CTSO: variants seen among roughly 807,000 people sequenced by gnomAD.
CTSO encodes cathepsin O.
In CTSO, 40 loss-of-function variants were observed where a neutral mutation model predicts 42.4. The ratio of observed to expected loss-of-function variants is 0.94; its 90% CI spans 0.73 to 1.23. CTSO has a LOEUF of 1.23. Among genes scored for constraint, CTSO ranks in the 50% most tolerant of loss-of-function variants. The pLI, the probability that CTSO is intolerant of heterozygous loss-of-function variation, is 0.00. For synonymous variants in CTSO, 156 were observed against 146.2 expected (o/e 1.07, Z -0.48); for missense variants, 441 against 396.0 (o/e 1.11, Z -0.96).
chr4:155,933,510 G>T (rs1051497977), intron 5 of CTSO, among the ~76,000 whole-genome samples: 4 of 152,160 alleles, frequency 2.6e-5, no homozygotes, highest in South Asian at 4.1e-4. Flanking sequence ...TTTGGAACTG[G>T]GTAATAGGCA....
Position 155,937,418 on chromosome 4 carries a change from G to C in CTSO, c.618C>G (p.Tyr206Ter), listed in dbSNP as rs150623992. 1.1e-5 allele frequency: 17 copies of C among 1,612,110 alleles called. No homozygotes were observed. Among genetic ancestry groups the C allele is most frequent in the Non-Finnish European group, 1.4e-5 (16 of 1,178,444 alleles). Residue 206 changes from tyrosine to a stop codon, truncating the protein, a stop_gained, in exon 5 of 8, where the codon TAC (tyrosine) becomes TAG (stop). Transcript: ENST00000433477. LOFTEE classifies it high-confidence loss of function. Reference protein sequence around the residue: ...PFKAQNGLCHYFSGSHSGFSI... With the variant: ...PFKAQNGLCH Reference sequence around the variant, plus strand: ...AAAATCCAGAATGTGAACCAGAAAAGTAATGGCACAGACCATTTTGTGCTT... The same window carrying C: ...AAAATCCAGAATGTGAACCAGAAAACTAATGGCACAGACCATTTTGTGCTT...
At chr4:155,950,239 T>TTTTTTTTTTTTTTATTTA in intron 1 of CTSO, among the ~76,000 whole-genome samples, 1 of 152,220 alleles carries the variant, frequency 6.6e-6, no homozygotes, top group Non-Finnish European at 1.5e-5. Context: ...GTCTTTACAT[T>TTTTTTTTTTTTTTATTTA]CTTTTTATTT....
chr4:155,942,983 G>T (rs1049515357), intron 2 of CTSO, among the ~76,000 whole-genome samples, 173 bp downstream of exon 2: 9 of 152,066 alleles, frequency 5.9e-5, no homozygotes, highest in Admixed American at 5.2e-4. Context: ...AGAAGAGACT[G>T]GCCATGAATT....
intron 1 of CTSO, among the ~76,000 whole-genome samples, chr4:155,943,582 C>A (rs1051308394): frequency 1.3e-5 from 2 of 151,962 alleles, no homozygotes; most frequent in African/African-American, 2.4e-5. Context: ...AAATAGACTG[C>A]AAATAAACAC....
chr4:155,953,640 T>C, intron 1 of CTSO, 73 bp downstream of exon 1: 1 of 1,229,510 alleles, frequency 8.1e-7, no homozygotes. Flanking sequence ...TCGGGGGCCC[T>C]CTTCCGCAGC....
chr4:155,926,925 G>C (rs938771506), intron 7 of CTSO, among the ~76,000 whole-genome samples: 1 of 152,130 alleles, frequency 6.6e-6, no homozygotes, highest in Non-Finnish European at 1.5e-5. Context: ...CCAAATCCAG[G>C]ATCCACCACT....
At chr4:155,938,136 C>A (rs1318036711) in intron 4 of CTSO, among the ~76,000 whole-genome samples, 4 of 152,158 alleles carry the variant, frequency 2.6e-5, no homozygotes, top group African/African-American at 7.2e-5. Context: ...TCTGCCAAGT[C>A]TTTCAGATTC....
At position 155,928,333 on chromosome 4, in the gene CTSO, T is replaced by TTTA. The variant is rs1428271170; in HGVS notation, c.931+2_931+3insTAA. On this transcript the variant is annotated splice_region_variant and intron_variant, in intron 7 of 7. Transcript: ENST00000433477. ...AGGTTTTAAACACAAACTCATGACT[T>TTTA]ACCACAAACATTACTTCCCATTTTG... The TTTA allele has an allele frequency of 6.2e-7, 1 of 1,605,030 alleles. No homozygotes were observed. Among genetic ancestry groups the TTTA allele is most frequent in the Non-Finnish European group, 8.5e-7 (1 of 1,173,906 alleles).
In CTSO at chr4:155,947,717, G is replaced by T. The variant is rs527477857; in HGVS notation, c.136-4453C>A. Among the ~76,000 whole-genome samples, 12 of 152,236 alleles carry T rather than the reference G, an allele frequency of 7.9e-5. No individual in the cohort carries two copies. The East Asian group carries it at 2.3e-3, about 29-fold the overall frequency. Reference sequence around the variant, plus strand: ...GATTCTGGCTATTAAAGATTTCATAGACGCATCACAAACTGAAGTCTGTAT... The same window carrying T: ...GATTCTGGCTATTAAAGATTTCATATACGCATCACAAACTGAAGTCTGTAT... On this transcript the variant is annotated intron_variant, in intron 1 of 7. Coordinates refer to ENST00000433477, the MANE Select transcript of CTSO (RefSeq NM_001334.3).
intron 5 of CTSO, 98 bp downstream of exon 5, chr4:155,937,264 A>C: frequency 1.2e-6 from 1 of 850,418 alleles, no homozygotes; most frequent in Non-Finnish European, 1.9e-6. Context: ...TACAAGGATT[A>C]AGAGTATGCA....
chr4:155,939,239 T>A (rs7684248), intron 4 of CTSO, 132 bp downstream of exon 4: 1 of 706,526 alleles, frequency 1.4e-6, no homozygotes, highest in East Asian at 2.7e-5. Flanking sequence ...AATTACTTCA[T>A]GCTTTGATCA....
intron 5 of CTSO, among the ~76,000 whole-genome samples, chr4:155,931,105 T>C (rs928181353): frequency 6.6e-6 from 1 of 152,188 alleles, no homozygotes; most frequent in African/African-American, 2.4e-5. Context: ...ACATAAGTTT[T>C]ACTCCAAGTT....
At chr4:155,945,086 G>A (rs1190342700) in intron 1 of CTSO, among the ~76,000 whole-genome samples, 1 of 151,672 alleles carries the variant, frequency 6.6e-6, no homozygotes, top group African/African-American at 2.4e-5. Flanking sequence ...GTGAAAGCCT[G>A]TCTCTACTAA....
intron 1 of CTSO, among the ~76,000 whole-genome samples, chr4:155,947,635 C>T (rs1434663329): frequency 6.6e-6 from 1 of 152,106 alleles, no homozygotes; most frequent in East Asian, 1.9e-4. Context: ...TTTAAAAAGC[C>T]CTGTATTTCA....
At position 155,925,248 on chromosome 4, in the gene CTSO, T is replaced by C. The variant is rs1743110530; in HGVS notation, c.*788A>G. 6.6e-6 allele frequency: 1 copy of C among 152,150 alleles called. No homozygotes were observed. 9.4% of individuals were successfully genotyped at this position (152,150 alleles called of 1,614,324 possible). On this transcript the variant is annotated 3_prime_UTR_variant, in exon 8 of 8. Transcript: ENST00000433477. The stretch of plus-strand genomic sequence containing the variant: ...AAATATGAGATAATATTTTGGTATT[T>C]TGATATACTAGAGAACAAAATATTA...
chr4:155,928,252 G>T, intron 7 of CTSO, 84 bp downstream of exon 7: 3 of 962,930 alleles, frequency 3.1e-6, no homozygotes, highest in Non-Finnish European at 4.5e-6. Context: ...TGCTAAAGTG[G>T]TTTGAGTAGA....
At chr4:155,942,792 A>G (rs1431145037) in intron 2 of CTSO, among the ~76,000 whole-genome samples, 1 of 152,110 alleles carries the variant, frequency 6.6e-6, no homozygotes, top group Non-Finnish European at 1.5e-5. Context: ...TTTGTTTGAT[A>G]GAACCAGGTC....
chr4:155,925,881 G>T lies in CTSO; in HGVS notation c.*155C>A. On this transcript the variant is annotated 3_prime_UTR_variant, in exon 8 of 8. Coordinates refer to ENST00000433477, the MANE Select transcript of CTSO (RefSeq NM_001334.3). ...GGTTGTCCATCTCTCTACAAGAAGG[G>T]AACATTCTGAAACTTAGTTTAAATA... 3.0e-6 allele frequency: 2 copies of T among 674,950 alleles called. No homozygotes were observed. The highest frequency in any genetic ancestry group is 2.5e-6 in the Non-Finnish European group (1 of 398,926). The allele number at this position is 674,950 out of a possible 1,614,324, so 41.8% of individuals were successfully genotyped here. A position where few individuals can be genotyped will look rare whatever the true frequency, so the allele number is the denominator to read the frequency against.
At chr4:155,932,049 T>A (rs1743244899) in intron 5 of CTSO, among the ~76,000 whole-genome samples, 1 of 152,238 alleles carries the variant, frequency 6.6e-6, no homozygotes, top group Non-Finnish European at 1.5e-5. Context: ...TGTAGTAGGT[T>A]CCTACAGTTT....
Sources: gnomAD v4.1 joint callset for allele counts (sites outside exome capture counted in the v4.1 genomes callset) on GRCh38, gnomAD v4.1.1 for gene constraint, MANE v1.5 for transcripts, NCBI Gene and HGNC (gene_info 2026-07-23, HGNC 2026-07-21) for gene names.